The following RALGPS2 variants were observed in gnomAD, a reference collection of about 807,000 sequenced individuals.
RALGPS2 encodes the protein ras-specific guanine nucleotide-releasing factor RalGPS2.
RALGPS2 carries 43 observed loss-of-function variants against 86.8 expected under a neutral mutation model. That is an observed-to-expected ratio of 0.50 (90% CI 0.39 to 0.64). The LOEUF is 0.64. RALGPS2 is among the 30% of genes least tolerant of loss of function. The probability of loss-of-function intolerance (pLI) is 0.00; values close to 1 mark genes in which losing one functional copy is unlikely to be tolerated. For synonymous variants in RALGPS2, 243 were observed against 231.3 expected, an observed-to-expected ratio of 1.05 and a Z score of -0.46; for missense variants, 536 against 694.6, an observed-to-expected ratio of 0.77 and a Z score of 2.57.
At chr1:178,773,544 T>C (rs991176009) in intron 1 of RALGPS2, among the ~76,000 whole-genome samples, 5 of 152,338 alleles carry the variant, frequency 3.3e-5, no homozygotes, top group Admixed American at 1.3e-4. Flanking sequence ...TGTAGTACTT[T>C]TATAATATCG....
At chr1:178,741,286 T>C (rs1009951774) in intron 1 of RALGPS2, among the ~76,000 whole-genome samples, 3 of 152,242 alleles carry the variant, frequency 2.0e-5, no homozygotes, top group African/African-American at 2.4e-5. Flanking sequence ...TGTAAAGATA[T>C]AGAAACTGAG....
intron 1 of RALGPS2, among the ~76,000 whole-genome samples, chr1:178,765,693 A>C (rs1652469605): frequency 6.6e-6 from 1 of 152,110 alleles, no homozygotes; most frequent in African/African-American, 2.4e-5. Flanking sequence ...ACAGGGGCTT[A>C]TTTCGTCCCT....
chr1:178,800,517 T>C (rs915268173), intron 4 of RALGPS2, among the ~76,000 whole-genome samples: 1 of 152,144 alleles, frequency 6.6e-6, no homozygotes, highest in South Asian at 2.1e-4. Context: ...TAGTAAATTC[T>C]CTTCCTTATG....
At chr1:178,777,047 C>G (rs112179001) in intron 2 of RALGPS2, among the ~76,000 whole-genome samples, 2 of 151,146 alleles carry the variant, frequency 1.3e-5, no homozygotes, top group African/African-American at 4.9e-5. Context: ...GTGCGCTGCA[C>G]CCACTAACTC....
In RALGPS2 at chr1:178,902,133, T is replaced by C; in HGVS notation, c.1552T>C (p.Ser518Pro). 1 of 1,612,662 alleles carries C rather than the reference T, an allele frequency of 6.2e-7. No homozygotes were observed. Among genetic ancestry groups the C allele is most frequent in the East Asian group, 2.2e-5 (1 of 44,852 alleles). ...CAAATCAACATCCAATAAGAACGTA[T>C]CTGTGATAGGATGGATGGTGATGAT... ...HFKSTSNKNV[S>P]VIGWMVMMAD... The change falls in exon 18 of 20, where the codon TCT (serine) becomes CCT (proline). Residue 518 changes from serine to proline, a missense_variant. By Grantham distance (74) the Ser-to-Pro change is moderately conservative. This residue lies in a region of RALGPS2 where 309 missense variants were observed against 363.0 expected (regional missense o/e 0.85). Coordinates refer to ENST00000367635, the MANE Select transcript of RALGPS2 (RefSeq NM_152663.5).
At chr1:178,864,314 G>A (rs892273344) in intron 8 of RALGPS2, among the ~76,000 whole-genome samples, 2 of 151,980 alleles carry the variant, frequency 1.3e-5, no homozygotes, top group African/African-American at 2.4e-5. Flanking sequence ...TATTTCTTAG[G>A]ATACACAGTA....
At chr1:178,730,599 T>C (rs1650281675) in intron 1 of RALGPS2, among the ~76,000 whole-genome samples, 1 of 152,152 alleles carries the variant, frequency 6.6e-6, no homozygotes, top group Admixed American at 6.5e-5. Context: ...AAATTCTTCT[T>C]GAACTATCTT....
At chr1:178,797,617 C>T (rs190128488) in intron 4 of RALGPS2, among the ~76,000 whole-genome samples, 9 of 152,252 alleles carry the variant, frequency 5.9e-5, no homozygotes, top group Admixed American at 5.9e-4. Flanking sequence ...GTCCCATTTA[C>T]TTACTCTTCA....
At chr1:178,887,321 T>A (rs1659533183) in intron 13 of RALGPS2, among the ~76,000 whole-genome samples, 1 of 151,958 alleles carries the variant, frequency 6.6e-6, no homozygotes, top group Non-Finnish European at 1.5e-5. Context: ...GGCGTGGTGG[T>A]GCATGCCTGT....
chr1:178,883,858 G>A lies in RALGPS2; in HGVS notation c.904+325G>A, dbSNP rs567265164. Among the ~76,000 whole-genome samples, 573 of 152,042 alleles carry A rather than the reference G, an allele frequency of 3.8e-3. 5 individuals carry two copies. The highest frequency in any genetic ancestry group is 0.013 in the African/African-American group (544 of 41,468). On this transcript the variant is annotated intron_variant, in intron 11 of 19. Transcript: ENST00000367635. ...AAAAAAATTAGCCGGGTGTGGTGGCGGGCACCTATAGTCCCAGCTACTCAG... is the reference window on the plus strand; with the variant it reads ...AAAAAAATTAGCCGGGTGTGGTGGCAGGCACCTATAGTCCCAGCTACTCAG...
At chr1:178,774,747 T>G (rs1652993680) in intron 1 of RALGPS2, among the ~76,000 whole-genome samples, 1 of 152,242 alleles carries the variant, frequency 6.6e-6, no homozygotes, top group Non-Finnish European at 1.5e-5. Context: ...GTTTTAAAAC[T>G]TCATGATTTT....
intron 8 of RALGPS2, among the ~76,000 whole-genome samples, chr1:178,861,152 A>G (rs1657980867): frequency 6.6e-6 from 1 of 152,206 alleles, no homozygotes; most frequent in African/African-American, 2.4e-5. Context: ...TCTTAATTCC[A>G]TGCTCTTTCC....
intron 1 of RALGPS2, among the ~76,000 whole-genome samples, chr1:178,754,613 A>G (rs1651858012): frequency 6.6e-6 from 1 of 152,220 alleles, no homozygotes; most frequent in African/African-American, 2.4e-5. Context: ...TTGGGTGGGC[A>G]ATCTGCCTTA....
At chr1:178,766,016 A>T (rs1384217388) in intron 1 of RALGPS2, among the ~76,000 whole-genome samples, 1 of 152,182 alleles carries the variant, frequency 6.6e-6, no homozygotes, top group South Asian at 2.1e-4. Flanking sequence ...GGCAACATTC[A>T]TCCTCAGCTT....
At chr1:178,762,469 C>T (rs77482917) in intron 1 of RALGPS2, among the ~76,000 whole-genome samples, 7,861 of 152,248 alleles carry the variant, frequency 0.052, 299 homozygotes, top group African/African-American at 0.11. Flanking sequence ...TACATTCCCA[C>T]CAGCAGCGCA....
intron 6 of RALGPS2, among the ~76,000 whole-genome samples, chr1:178,812,011 G>A (rs971655884): frequency 3.3e-5 from 5 of 152,112 alleles, no homozygotes; most frequent in African/African-American, 1.2e-4. Flanking sequence ...GCAGAAAGGG[G>A]GAGTGAGCCC....
At chr1:178,792,786 G>A (rs1198092505) in intron 4 of RALGPS2, among the ~76,000 whole-genome samples, 1 of 152,150 alleles carries the variant, frequency 6.6e-6, no homozygotes, top group African/African-American at 2.4e-5. Context: ...TAGTCTCTTA[G>A]TGGTGGGGAG....
chr1:178,771,869 T>G (rs1652827129), intron 1 of RALGPS2, among the ~76,000 whole-genome samples: 5 of 152,204 alleles, frequency 3.3e-5, no homozygotes, highest in Admixed American at 3.3e-4. Flanking sequence ...CATTAAGTAT[T>G]ACAGTATTTT....
rs1558177140 is a variant in RALGPS2, at chr1:178,897,702, G to T, written c.1470G>T (p.Gly490=). Residue 490 remains glycine, a synonymous_variant, in exon 17 of 20, where the codon GGG becomes GGT. Transcript: ENST00000367635. ...CAAAATATTGGGCAGCTTTGTGTGG[G>T]ACACAGCTTTTTTACTATGCTGCCA... ...SWTKYWAALC[G]TQLFYYAAKS... is the part of the protein sequence containing the mutation. 6.2e-7 allele frequency: 1 copy of T among 1,612,630 alleles called. No individual in the cohort carries two copies. The highest frequency in any genetic ancestry group is 1.7e-5 in the Admixed American group (1 of 59,824).
Sources: gnomAD v4.1 joint callset for allele counts (sites outside exome capture counted in the v4.1 genomes callset) on GRCh38, gnomAD v4.1.1 for gene constraint, gnomAD v4.1.1 regional missense constraint, MANE v1.5 for transcripts, NCBI Gene and HGNC (gene_info 2026-07-23, HGNC 2026-07-21) for gene names.